Variants in RAB3A observed in about 807,000 individuals in gnomAD.
The protein encoded by RAB3A is ras-related protein Rab-3A.
RAB3A carries 5 observed loss-of-function variants against 19.7 expected under a neutral mutation model. The observed-to-expected ratio is 0.25, with a 90% CI of 0.13 to 0.53. The LOEUF (loss-of-function observed/expected upper bound fraction) is 0.53. Among genes scored for constraint, RAB3A ranks in the 20% least tolerant of loss-of-function variants. The pLI is 0.95. For missense variants in RAB3A, 189 were observed against 305.6 expected (o/e 0.62, Z 2.85); for synonymous variants, 119 against 122.1 (o/e 0.97, Z 0.17).
At chr19:18,201,090 C>A (rs1279999723) in intron 2 of RAB3A, among the ~76,000 whole-genome samples, 1 of 150,268 alleles carries the variant, frequency 6.7e-6, no homozygotes, top group Non-Finnish European at 1.5e-5. Context: ...CAAAAATTAG[C>A]TCGGCGTGGT....
intron 2 of RAB3A, among the ~76,000 whole-genome samples, chr19:18,201,263 AAAAGAAAGAAAG>A (rs71164380): frequency 3.3e-5 from 4 of 121,778 alleles, no homozygotes; most frequent in Non-Finnish European, 3.3e-5. Context: ...AAAAAAAAAA[AAAAGAAAGAAAG>A]AAAGAAAGAA....
rs1194666776 is a variant in RAB3A at position 18,202,058 on chromosome 19, A to G, written c.228+455T>C. 8.6e-5 allele frequency among the ~76,000 whole-genome samples: 13 copies of G among 152,006 alleles called. No homozygotes were observed. The highest frequency in any genetic ancestry group is 5.9e-5 in the Non-Finnish European group (4 of 67,992). On this transcript the variant is annotated intron_variant, in intron 2 of 4. Coordinates refer to ENST00000222256, the MANE Select transcript of RAB3A (RefSeq NM_002866.5). This position sits in a 1 kb window ranked among gnomAD's most constrained non-coding sequence, Gnocchi z 4.2. ...GACCAGCCTGGGCAGACATAGCCCG[A>G]CCCTGTCTCTACAAAAAAGAAAAAA... is the stretch of plus-strand genomic sequence containing the variant.
rs142919760 is a variant in RAB3A, at chr19:18,200,404, T to C, written c.270A>G (p.Ala90=). 1.6e-4 allele frequency: 261 copies of C among 1,614,060 alleles called. No individual in the cohort carries two copies. In the African/African-American group the frequency reaches 2.5e-3, roughly 15 times the overall value. Residue 90 remains alanine (A), a synonymous_variant, in exon 3 of 5, where the codon GCA becomes GCG. Transcript: ENST00000222256. ...GQERYRTITT[A]YYRGAMGFIL... The stretch of plus-strand genomic sequence containing the variant: ...TGAAGCCCATAGCGCCCCGGTAGTA[T>C]GCGGTGGTGATGGTCCGGTACCGCT...
intron 4 of RAB3A, 30 bp from the exon 5 acceptor site, chr19:18,197,690 C>A (rs375983538): frequency 6.4e-7 from 1 of 1,569,644 alleles, no homozygotes. Context: ...GGATGAGGAC[C>A]CTGGCCACGC....
Position 18,197,723 on chromosome 19 carries a change from C to G in RAB3A, c.473-63G>C, listed in dbSNP as rs1967550987. On this transcript the variant is annotated intron_variant, in intron 4 of 4. Coordinates refer to ENST00000222256, the MANE Select transcript of RAB3A (RefSeq NM_002866.5). ...CGCCCTATGCCAACTCCCAGAGATG[C>G]TTCTCTGAGGAAAGGGAACACCTGG... 4 of 1,421,378 alleles carry G rather than the reference C, an allele frequency of 2.8e-6. No individual in the cohort carries two copies. The Admixed American group carries it at 8.8e-5, about 31-fold the overall frequency. 88.0% of individuals were successfully genotyped at this position (1,421,378 alleles called of 1,614,324 possible).
Position 18,197,427 on chromosome 19 carries a change from G to A in RAB3A, c.*43C>T, listed in dbSNP as rs1174367569. 3.8e-6 allele frequency: 6 copies of A among 1,578,272 alleles called. No individual in the cohort carries two copies. The highest frequency in any genetic ancestry group is 4.3e-6 in the Non-Finnish European group (5 of 1,158,860). On this transcript the variant is annotated 3_prime_UTR_variant, in exon 5 of 5. Transcript: ENST00000222256. ...GGTCAGGCCCGGGTAGTTGGGGGAA[G>A]GTGGGGAAGACAGGGAAGAGGGGAA... is the stretch of plus-strand genomic sequence containing the variant.
At position 18,197,372 on chromosome 19, in the gene RAB3A, G is replaced by C; in HGVS notation, c.*98C>G. ...GGGTGACGGGCTAAGTCAGGAGCAG[G>C]GGTCTTGTGCCCGTGGCTGGTAGGG... On this transcript the variant is annotated 3_prime_UTR_variant, in exon 5 of 5. Coordinates refer to ENST00000222256, the MANE Select transcript of RAB3A (RefSeq NM_002866.5). The C allele has an allele frequency of 9.2e-7, 1 of 1,089,490 alleles. No individual in the cohort carries two copies. The highest frequency in any genetic ancestry group is 2.7e-5 in the Admixed American group (1 of 37,446). The allele number at this position is 1,089,490 out of a possible 1,614,324, so 67.5% of individuals were successfully genotyped here. A position where few individuals can be genotyped will look rare whatever the true frequency, so the allele number is the denominator to read the frequency against.
At position 18,197,422 on chromosome 19, in the gene RAB3A, G is replaced by A. The variant is rs577883976; in HGVS notation, c.*48C>T. 6 of 1,573,220 alleles carry A rather than the reference G, an allele frequency of 3.8e-6. No homozygotes were observed. The African/African-American group carries it at 5.4e-5, about 14-fold the overall frequency. On this transcript the variant is annotated 3_prime_UTR_variant, in exon 5 of 5. Coordinates refer to ENST00000222256, the MANE Select transcript of RAB3A (RefSeq NM_002866.5). ...GGCCGGGTCAGGCCCGGGTAGTTGG[G>A]GGAAGGTGGGGAAGACAGGGAAGAG...
chr19:18,201,105 T>G (rs1236746560), intron 2 of RAB3A, among the ~76,000 whole-genome samples: 2 of 148,734 alleles, frequency 1.3e-5, no homozygotes, highest in Admixed American at 1.3e-4. Context: ...CGTGGTGGCA[T>G]GCACCTGTAA....
At chr19:18,200,250 T>A (rs953756458) in intron 3 of RAB3A, 77 bp downstream of exon 3, 10 of 1,291,904 alleles carry the variant, frequency 7.7e-6, no homozygotes, top group Non-Finnish European at 1.1e-5. Context: ...GCCACTGCAC[T>A]CCAGCCTGGG....
chr19:18,203,702 T>TG (rs1009447730), intron 1 of RAB3A, among the ~76,000 whole-genome samples, 194 bp downstream of exon 1: 3 of 151,996 alleles, frequency 2.0e-5, no homozygotes, highest in East Asian at 3.9e-4. Flanking sequence ...GCAGGGGGGT[T>TG]GGGGGGGTTA....
At chr19:18,200,224 A>G (rs1967588607) in intron 3 of RAB3A, 103 bp downstream of exon 3, 1 of 927,044 alleles carries the variant, frequency 1.1e-6, no homozygotes, top group Non-Finnish European at 1.6e-6. Context: ...TCGAGGCTGC[A>G]GTGAGCCCTG....
chr19:18,202,691 T>G lies in RAB3A; in HGVS notation c.50A>C (p.Gln17Pro). 1 of 1,614,196 alleles carries G rather than the reference T, an allele frequency of 6.2e-7. No individual in the cohort carries two copies. Among genetic ancestry groups the G allele is most frequent in the Non-Finnish European group, 8.5e-7 (1 of 1,180,016 alleles). Residue 17 changes from glutamine to proline, a missense_variant, in exon 2 of 5, where the codon CAG (glutamine) becomes CCG (proline). Coordinates refer to ENST00000222256, the MANE Select transcript of RAB3A (RefSeq NM_002866.5). The surrounding 1 kb of genome is among the most constrained non-coding windows in gnomAD (Gnocchi z 4.2). ...SRYGQKESSD[Q>P]NFDYMFKILI... ...AATCTTGAACATGTAGTCGAAGTTC[T>G]GATCCGAGGACTCCTTCTGCCCATA...
intron 2 of RAB3A, among the ~76,000 whole-genome samples, chr19:18,200,918 G>A (rs993793000): frequency 4.0e-5 from 6 of 149,856 alleles, no homozygotes; most frequent in Non-Finnish European, 8.9e-5. Context: ...CTGGGTGACA[G>A]AGTGAAACCC....
At chr19:18,197,726 C>A in intron 4 of RAB3A, 66 bp from the exon 5 acceptor site, 1 of 1,408,772 alleles carries the variant, frequency 7.1e-7, no homozygotes, top group Non-Finnish European at 9.6e-7. Flanking sequence ...AGAGATGCTT[C>A]TCTGAGGAAA....
rs1267046270 is a variant in RAB3A at position 18,197,348 on chromosome 19, G to C, written c.*122C>G. On this transcript the variant is annotated 3_prime_UTR_variant, in exon 5 of 5. Coordinates refer to ENST00000222256, the MANE Select transcript of RAB3A (RefSeq NM_002866.5). Reference sequence around the variant, plus strand: ...ATAAATAGCTACAATAATAAATAAGGGTGACGGGCTAAGTCAGGAGCAGGG... The same window carrying C: ...ATAAATAGCTACAATAATAAATAAGCGTGACGGGCTAAGTCAGGAGCAGGG... 6 of 862,826 alleles carry C rather than the reference G, an allele frequency of 7.0e-6. No homozygotes were observed. In the Admixed American group the frequency reaches 1.8e-4, roughly 25 times the overall value. 53.4% of individuals were successfully genotyped at this position (862,826 alleles called of 1,614,324 possible). A position where few individuals can be genotyped will look rare whatever the true frequency, so the allele number is the denominator to read the frequency against.
Position 18,197,486 on chromosome 19 carries a change from T to C in RAB3A, c.647A>G (p.Gln216Arg). 1.9e-6 allele frequency: 3 copies of C among 1,612,626 alleles called. No individual in the cohort carries two copies. The highest frequency in any genetic ancestry group is 1.1e-5 in the South Asian group (1 of 91,014). Residue 216 changes from glutamine (Q) to arginine (R), a missense_variant, in exon 5 of 5, where the codon CAG becomes CGG. Transcript: ENST00000222256. ...QLSDQQVPPH[Q>R]DCAC is the part of the protein sequence containing the mutation. The stretch of plus-strand genomic sequence containing the variant: ...GGATGGCTCTCAGCAGGCGCAGTCC[T>C]GGTGCGGTGGCACCTGCTGGTCACT...
At chr19:18,198,886 G>C in intron 3 of RAB3A, 37 bp from the exon 4 acceptor site, 1 of 1,604,918 alleles carries the variant, frequency 6.2e-7, no homozygotes. Flanking sequence ...TCAGGGCTTG[G>C]AGGATCCCAG....
chr19:18,200,270 A>C (rs1967589208), intron 3 of RAB3A, 57 bp downstream of exon 3: 6 of 1,426,966 alleles, frequency 4.2e-6, no homozygotes, highest in Middle Eastern at 1.8e-4. Flanking sequence ...GTGACAGAAT[A>C]AAACCCTCTC....
Sources: allele counts gnomAD v4.1 joint callset (sites outside exome capture counted in the v4.1 genomes callset), GRCh38; gene constraint gnomAD v4.1.1; non-coding constraint Gnocchi (gnomAD v3.1); transcripts MANE v1.5; gene names NCBI Gene and HGNC (gene_info 2026-07-23, HGNC 2026-07-21).